SLCO6A1: variants seen among roughly 807,000 people sequenced by gnomAD.
SLCO6A1 encodes the protein solute carrier organic anion transporter family member 6A1.
Under a neutral mutation model 72.7 loss-of-function variants are expected in SLCO6A1, and 65 were observed. The observed-to-expected ratio is 0.89, with a 90% CI of 0.73 to 1.10. The LOEUF (loss-of-function observed/expected upper bound fraction) is 1.10, where lower values mean the gene tolerates loss of function less well. Ranked by LOEUF, SLCO6A1 falls within the 50% of genes least tolerant of loss-of-function variation. The pLI is 0.00. For synonymous variants in SLCO6A1, 314 were observed against 298.2 expected (o/e 1.05, Z -0.55); for missense variants, 874 against 872.6 (o/e 1.00, Z -0.02).
chr5:102,489,363 T>G (rs1053495273), intron 1 of SLCO6A1, among the ~76,000 whole-genome samples: 1 of 152,160 alleles, frequency 6.6e-6, no homozygotes, highest in African/African-American at 2.4e-5. Context: ...GAAATTTAAA[T>G]TATTACCCAG....
intron 4 of SLCO6A1, among the ~76,000 whole-genome samples, chr5:102,461,519 C>T (rs956442423): frequency 7.9e-5 from 12 of 151,936 alleles, no homozygotes; most frequent in African/African-American, 2.9e-4. Context: ...GAAAACTATA[C>T]AATAAAGCTT....
chr5:102,468,146 G>T (rs1475281470), intron 4 of SLCO6A1, among the ~76,000 whole-genome samples: 5 of 151,990 alleles, frequency 3.3e-5, no homozygotes, highest in Non-Finnish European at 5.9e-5. Context: ...TGGTTTTGAG[G>T]TTTCCTTTTG....
At chr5:102,395,873 C>G (rs1747045805) in intron 10 of SLCO6A1, among the ~76,000 whole-genome samples, 1 of 152,134 alleles carries the variant, frequency 6.6e-6, no homozygotes, top group African/African-American at 2.4e-5. Flanking sequence ...CCTTCACCCA[C>G]TTTTTGATGG....
chr5:102,424,715 C>G (rs1398364101), intron 7 of SLCO6A1, among the ~76,000 whole-genome samples: 1 of 152,132 alleles, frequency 6.6e-6, no homozygotes, highest in Non-Finnish European at 1.5e-5. Flanking sequence ...GGTACCATTC[C>G]TTCTGAAACT....
intron 4 of SLCO6A1, among the ~76,000 whole-genome samples, chr5:102,475,223 G>A (rs1222613542): frequency 6.6e-6 from 1 of 151,944 alleles, no homozygotes. Flanking sequence ...AAGCCAGTGT[G>A]GTATGTACAA....
intron 1 of SLCO6A1, among the ~76,000 whole-genome samples, 187 bp downstream of exon 1, chr5:102,498,300 G>T (rs558768024): frequency 6.6e-6 from 1 of 152,194 alleles, no homozygotes; most frequent in Non-Finnish European, 1.5e-5. Context: ...AGCGGGCAAG[G>T]TAAACCCACT....
chr5:102,472,229 T>C (rs1285339155), intron 4 of SLCO6A1, among the ~76,000 whole-genome samples: 1 of 152,092 alleles, frequency 6.6e-6, no homozygotes, highest in Non-Finnish European at 1.5e-5. Context: ...CACAGCTTAT[T>C]CCCTGAAAAC....
chr5:102,396,300 T>C (rs889003547), intron 10 of SLCO6A1, among the ~76,000 whole-genome samples: 3 of 152,232 alleles, frequency 2.0e-5, no homozygotes, highest in Non-Finnish European at 4.4e-5. Flanking sequence ...AAATAGGGAA[T>C]CCTTTCCCCA....
At chr5:102,468,718 G>C (rs1751434777) in intron 4 of SLCO6A1, among the ~76,000 whole-genome samples, 1 of 151,944 alleles carries the variant, frequency 6.6e-6, no homozygotes, top group African/African-American at 2.4e-5. Flanking sequence ...AAGTTTGTGT[G>C]AGTCCTTATG....
At chr5:102,445,554 G>A (rs1177296444) in intron 6 of SLCO6A1, among the ~76,000 whole-genome samples, 2 of 152,060 alleles carry the variant, frequency 1.3e-5, no homozygotes, top group African/African-American at 4.8e-5. Flanking sequence ...AGTTTCTTTT[G>A]CTGTGCAGAA....
intron 6 of SLCO6A1, among the ~76,000 whole-genome samples, chr5:102,451,017 A>C (rs2112724415): frequency 6.6e-6 from 1 of 152,240 alleles, no homozygotes; most frequent in East Asian, 1.9e-4. Flanking sequence ...CATCAACTGA[A>C]GGGTTCAGGT....
intron 10 of SLCO6A1, among the ~76,000 whole-genome samples, chr5:102,393,631 A>AT (rs199640114): frequency 1.8e-4 from 28 of 151,728 alleles, no homozygotes; most frequent in African/African-American, 4.3e-4. Flanking sequence ...GTAAAACTAC[A>AT]TTTTTTTTTC....
chr5:102,465,269 T>C (rs1002646345), intron 4 of SLCO6A1, among the ~76,000 whole-genome samples: 1 of 151,866 alleles, frequency 6.6e-6, no homozygotes, highest in African/African-American at 2.4e-5. Flanking sequence ...GGCTTAATAA[T>C]AACCCCAGGA....
At position 102,477,676 on chromosome 5, in the gene SLCO6A1, C is replaced by T. The variant is rs1751974997; in HGVS notation, c.802G>A (p.Gly268Ser). The change falls in exon 3 of 14, where the codon GGT (glycine) becomes AGT (serine). Residue 268 changes from glycine (G) to serine (S), a missense_variant and splice_region_variant. By Grantham distance (56) the Gly-to-Ser change is moderately conservative. Coordinates refer to ENST00000506729, the MANE Select transcript of SLCO6A1 (RefSeq NM_173488.5). ...TCGTAATAGAGGGGGTAAAACTTGC[C>T]TAAATAGATACCAGCTGAGTGTGTA... ...VATHSAGIYL[G>S]IAECTSMIGY... 6.2e-7 allele frequency: 1 copy of T among 1,609,074 alleles called. No homozygotes were observed. The highest frequency in any genetic ancestry group is 8.5e-7 in the Non-Finnish European group (1 of 1,177,810).
intron 6 of SLCO6A1, among the ~76,000 whole-genome samples, chr5:102,442,471 T>C (rs957411952): frequency 1.3e-5 from 2 of 152,222 alleles, no homozygotes; most frequent in African/African-American, 4.8e-5. Flanking sequence ...TTCTGGCACA[T>C]AACAAGTGTC....
At chr5:102,389,087 G>A (rs1308857493) in intron 11 of SLCO6A1, among the ~76,000 whole-genome samples, 2 of 152,028 alleles carry the variant, frequency 1.3e-5, no homozygotes, top group African/African-American at 2.4e-5. Context: ...CTATTTAAAC[G>A]ACATCTCAAT....
chr5:102,390,947 T>G (rs772350998), intron 11 of SLCO6A1, 34 bp downstream of exon 11: 2 of 1,591,000 alleles, frequency 1.3e-6, no homozygotes, highest in Non-Finnish European at 1.7e-6. Flanking sequence ...CAAAAAACAT[T>G]TTGATGTAAT....
chr5:102,473,881 A>G (rs1194534329), intron 4 of SLCO6A1, among the ~76,000 whole-genome samples: 2 of 152,014 alleles, frequency 1.3e-5, no homozygotes, highest in Non-Finnish European at 2.9e-5. Flanking sequence ...TGCGCATTGC[A>G]AACTATAAAA....
At chr5:102,461,453 A>C (rs1444518583) in intron 4 of SLCO6A1, among the ~76,000 whole-genome samples, 1 of 152,114 alleles carries the variant, frequency 6.6e-6, no homozygotes, top group East Asian at 1.9e-4. Context: ...TTTTGCAAAC[A>C]TAGCCCCAAT....
Sources: allele counts gnomAD v4.1 joint callset (sites outside exome capture counted in the v4.1 genomes callset), GRCh38; gene constraint gnomAD v4.1.1; transcripts MANE v1.5; gene names NCBI Gene and HGNC (gene_info 2026-07-23, HGNC 2026-07-21).